Variants in TNS2 observed in about 807,000 individuals in gnomAD.
TNS2 encodes tensin-2.
TNS2 carries 77 observed loss-of-function variants against 155.7 expected under a neutral mutation model. That is an observed-to-expected ratio of 0.49 (90% CI 0.41 to 0.60). TNS2 has a LOEUF of 0.60. TNS2 is among the 20% of genes least tolerant of loss of function. The pLI, the probability that TNS2 is intolerant of heterozygous loss-of-function variation, is 0.00. For synonymous variants in TNS2, 726 were observed against 763.9 expected (o/e 0.95, Z 0.82); for missense variants, 1,703 against 1,868.8 (o/e 0.91, Z 1.64).
At chr12:53,055,137 C>T in intron 7 of TNS2, 49 bp from the exon 8 acceptor site, 1 of 1,599,766 alleles carries the variant, frequency 6.3e-7, no homozygotes. Flanking sequence ...CACCTCGTGC[C>T]TCATTGCCGG....
chr12:53,057,908 G>T, intron 13 of TNS2, 75 bp downstream of exon 13: 4 of 1,610,792 alleles, frequency 2.5e-6, no homozygotes, highest in Non-Finnish European at 3.4e-6. Context: ...TGCTTCTCCA[G>T]CCTCCCTAGA....
rs140404923 is a variant in TNS2, at chr12:53,050,558, T to C, written c.75+298T>C. Among the ~76,000 whole-genome samples, 242 of 151,914 alleles carry C rather than the reference T, an allele frequency of 1.6e-3. No homozygotes were observed. Among genetic ancestry groups the C allele is most frequent in the African/African-American group, 5.2e-3 (217 of 41,396 alleles). ...GGTGCCTCACTGCAGGACTTTGCCATGCGCTATCCAGGTATCCTCCAGCAG... is the reference window on the plus strand; with the variant it reads ...GGTGCCTCACTGCAGGACTTTGCCACGCGCTATCCAGGTATCCTCCAGCAG... On this transcript the variant is annotated intron_variant, in intron 1 of 28. Transcript: ENST00000314250. This position sits in a 1 kb window ranked among gnomAD's most constrained non-coding sequence, Gnocchi z 4.7.
chr12:53,053,730 T>C, intron 4 of TNS2, 44 bp from the exon 5 acceptor site: 1 of 1,605,036 alleles, frequency 6.2e-7, no homozygotes, highest in African/African-American at 1.4e-5. Flanking sequence ...TCCTTGCCCC[T>C]GCTGTAACTA....
chr12:53,053,567 T>C (rs1454664640), intron 4 of TNS2, 118 bp downstream of exon 4: 1 of 1,433,736 alleles, frequency 7.0e-7, no homozygotes, highest in African/African-American at 1.4e-5. Context: ...CTGTGGGTAT[T>C]GCTCATCCTA....
chr12:53,063,322 T>C lies in TNS2; in HGVS notation c.3993-27T>C. On this transcript the variant is annotated intron_variant, in intron 26 of 28. Coordinates refer to ENST00000314250, the MANE Select transcript of TNS2 (RefSeq NM_170754.4). The surrounding 1 kb of genome is among the most constrained non-coding windows in gnomAD (Gnocchi z 5.6). ...CCCTGGGGGCTCATGTTTCTGAGTGTGACCTTCCTCACCCTCCTCCTTGCA... is the reference window on the plus strand; with the variant it reads ...CCCTGGGGGCTCATGTTTCTGAGTGCGACCTTCCTCACCCTCCTCCTTGCA... The C allele has an allele frequency of 1.7e-5, 27 of 1,614,016 alleles. No homozygotes were observed. Among genetic ancestry groups the C allele is most frequent in the Non-Finnish European group, 2.3e-5 (27 of 1,179,964 alleles).
At chr12:53,052,353 G>A (rs1192908710) in intron 2 of TNS2, 102 bp from the exon 3 acceptor site, 1 of 1,464,372 alleles carries the variant, frequency 6.8e-7, no homozygotes, top group Non-Finnish European at 9.5e-7. Flanking sequence ...GATCTTGGAA[G>A]TCCCAGGGTC....
chr12:53,055,586 C>T lies in TNS2; in HGVS notation c.592C>T (p.Pro198Ser), dbSNP rs1944120605. 2.5e-6 allele frequency: 4 copies of T among 1,608,844 alleles called. No individual in the cohort carries two copies. The highest frequency in any genetic ancestry group is 3.4e-6 in the Non-Finnish European group (4 of 1,175,916). ...LNPKVQDFGW[P>S]ELHAPPLDKL... ...TCCCCAGGTTCAAGACTTCGGCTGG[C>T]CTGAGCTGCATGCTCCACCCCTGGA... The change falls in exon 9 of 29, where the codon CCT (proline) becomes TCT (serine). Residue 198 changes from proline (P) to serine (S), a missense_variant. Pro to Ser is a moderately conservative substitution (Grantham distance 74). Transcript: ENST00000314250.
At chr12:53,061,770 C>T (rs1438588441) in intron 21 of TNS2, 45 bp from the exon 22 acceptor site, 7 of 1,586,406 alleles carry the variant, frequency 4.4e-6, no homozygotes, top group Non-Finnish European at 5.2e-6. Context: ...TCAGTCCACC[C>T]CTGTGAAAAC....
chr12:53,049,382 G>T (rs1410607015), upstream of TNS2: 11 of 718,472 alleles, frequency 1.5e-5, no homozygotes, highest in Admixed American at 3.4e-4. Flanking sequence ...ATGGGTGAGT[G>T]GGGGGCACTG....
intron 21 of TNS2, 159 bp downstream of exon 21, chr12:53,061,628 A>T (rs190242875): frequency 3.0e-4 from 396 of 1,340,472 alleles, no homozygotes; most frequent in Middle Eastern, 2.5e-4. Context: ...GCTTTGGGCC[A>T]AGGCGGTGAG....
rs756738235 is a variant in TNS2 at position 53,060,628 on chromosome 12, C to A, written c.2769-47C>A. ...TTGATGAAGGCAGGTGGGGTGGGAG[C>A]AGCCACAATGGGGGCTCTGCTGACC... On this transcript the variant is annotated intron_variant, in intron 19 of 28. Transcript: ENST00000314250. This position sits in a 1 kb window ranked among gnomAD's most constrained non-coding sequence, Gnocchi z 6.1. The A allele has an allele frequency of 6.9e-6, 11 of 1,589,864 alleles. No homozygotes were observed. The African/African-American group carries it at 1.1e-4, about 15-fold the overall frequency.
In TNS2 at chr12:53,059,968, G is replaced by A; in HGVS notation, c.2327G>A (p.Gly776Asp). 6.2e-7 allele frequency: 1 copy of A among 1,613,008 alleles called. No homozygotes were observed. The highest frequency in any genetic ancestry group is 8.5e-7 in the Non-Finnish European group (1 of 1,179,776). ...TGCTCCTACACCATGTGCCCCGAAG[G>A]CAGGTATGGGCATCCAGGGTACCCT... ...EGCSYTMCPE[G>D]RYGHPGYPAL... Residue 776 changes from glycine to aspartate, a missense_variant, in exon 18 of 29, where the codon GGC becomes GAC. Physicochemically the swap from Gly to Asp is moderately conservative, Grantham distance 94. Coordinates refer to ENST00000314250, the MANE Select transcript of TNS2 (RefSeq NM_170754.4). The surrounding 1 kb of genome is among the most constrained non-coding windows in gnomAD (Gnocchi z 4.7).
chr12:53,052,518 G>A (rs778711534), intron 3 of TNS2, 26 bp downstream of exon 3: 4 of 1,613,580 alleles, frequency 2.5e-6, no homozygotes, highest in Non-Finnish European at 3.4e-6. Flanking sequence ...TACCTGATAG[G>A]GGGAGAGGGT....
chr12:53,057,149 C>G, intron 11 of TNS2, 53 bp downstream of exon 11: 10 of 1,546,438 alleles, frequency 6.5e-6, no homozygotes, highest in Non-Finnish European at 8.8e-6. Flanking sequence ...TCATGGCTAC[C>G]AAGGCCAAGA....
intron 3 of TNS2, 135 bp downstream of exon 3, chr12:53,052,627 G>C: frequency 8.0e-7 from 1 of 1,245,090 alleles, no homozygotes; most frequent in South Asian, 1.3e-5. Flanking sequence ...CTCCTGGGTG[G>C]GAGGGGTGCT....
At chr12:53,053,359 C>A in intron 3 of TNS2, 52 bp from the exon 4 acceptor site, 1 of 1,610,800 alleles carries the variant, frequency 6.2e-7, no homozygotes, top group Non-Finnish European at 8.5e-7. Flanking sequence ...CATCCTCAAG[C>A]CCACGAGAGC....
upstream of TNS2, among the ~76,000 whole-genome samples, chr12:53,047,975 T>A (rs1421180500): frequency 6.6e-6 from 1 of 151,880 alleles, no homozygotes; most frequent in Middle Eastern, 3.2e-3. Context: ...GGGGTGTGGG[T>A]GGAGGGGTTT....
intron 22 of TNS2, 105 bp downstream of exon 22, chr12:53,062,045 G>A (rs59579337): frequency 1.2e-6 from 2 of 1,611,480 alleles, no homozygotes; most frequent in African/African-American, 2.7e-5. Flanking sequence ...TGCCGCTGTA[G>A]AGGGGAGAGG....
rs374746565 is a variant in TNS2, at chr12:53,054,587, G to T, written c.522+146G>T. On this transcript the variant is annotated intron_variant, in intron 7 of 28. Coordinates refer to ENST00000314250, the MANE Select transcript of TNS2 (RefSeq NM_170754.4). ...GGGTGGGGGCGGGGCCCGGAGCGCG[G>T]CCTGGAGCGGAGCGGAGAATCCTGG... 7 of 1,142,404 alleles carry T rather than the reference G, an allele frequency of 6.1e-6. No homozygotes were observed. The East Asian group carries it at 1.1e-4, about 18-fold the overall frequency. 70.8% of individuals were successfully genotyped at this position (1,142,404 alleles called of 1,614,324 possible). A position where few individuals can be genotyped will look rare whatever the true frequency, so the allele number is the denominator to read the frequency against.
Sources: gnomAD v4.1 joint callset for allele counts (sites outside exome capture counted in the v4.1 genomes callset) on GRCh38, gnomAD v4.1.1 for gene constraint, Gnocchi (gnomAD v3.1) non-coding constraint, MANE v1.5 for transcripts, NCBI Gene and HGNC (gene_info 2026-07-23, HGNC 2026-07-21) for gene names.